Variants in DLC1 observed in about 807,000 individuals in gnomAD.
DLC1 encodes the protein rho GTPase-activating protein 7.
In DLC1, 54 loss-of-function variants were observed where a neutral mutation model predicts 140.3. That is an observed-to-expected ratio of 0.38 (90% CI 0.31 to 0.48). The LOEUF (loss-of-function observed/expected upper bound fraction) is 0.48, where lower values mean the gene tolerates loss of function less well. Among genes scored for constraint, DLC1 ranks in the 20% least tolerant of loss-of-function variants. The pLI, the probability that DLC1 is intolerant of heterozygous loss-of-function variation, is 0.96. For synonymous variants in DLC1, 986 were observed against 728.1 expected, an observed-to-expected ratio of 1.35 and a Z score of -5.70; for missense variants, 2,536 against 1,907.0, an observed-to-expected ratio of 1.33 and a Z score of -6.14.
chr8:13,571,398 C>T (rs995647178), intron 1 of DLC1, among the ~76,000 whole-genome samples: 3 of 152,152 alleles, frequency 2.0e-5, no homozygotes, highest in East Asian at 1.9e-4. Flanking sequence ...CTGGTCACCT[C>T]GAATGTACTT....
In DLC1 at chr8:13,091,314, T is replaced by C. The variant is rs1293055099; in HGVS notation, c.3855+4A>G. 15 of 1,613,760 alleles carry C rather than the reference T, an allele frequency of 9.3e-6. No individual in the cohort carries two copies. The African/African-American group carries it at 1.2e-4, about 13-fold the overall frequency. On this transcript the variant is annotated splice_donor_region_variant and intron_variant, in intron 14 of 17. Transcript: ENST00000276297. ...TAAAGGAGCCAAACTTCTCAATTCCTTACCTGGAAAAGCTTCTTGCACTCG... is the reference window on the plus strand; with the variant it reads ...TAAAGGAGCCAAACTTCTCAATTCCCTACCTGGAAAAGCTTCTTGCACTCG...
At chr8:13,364,301 T>A (rs1365279440) in intron 4 of DLC1, among the ~76,000 whole-genome samples, 2 of 23,620 alleles carry the variant, frequency 8.5e-5, no homozygotes, top group Non-Finnish European at 2.0e-4. Context: ...GTAATGAAAC[T>A]TTTTTTTTTT....
At chr8:13,597,616 T>C (rs1430957107) in intron 1 of DLC1, among the ~76,000 whole-genome samples, 1 of 152,038 alleles carries the variant, frequency 6.6e-6, no homozygotes. Context: ...TGTGTATATA[T>C]CATGGAGGAT....
chr8:13,350,140 G>T (rs1022878714), intron 4 of DLC1, among the ~76,000 whole-genome samples: 11 of 152,166 alleles, frequency 7.2e-5, no homozygotes, highest in Non-Finnish European at 1.3e-4. Context: ...TACCTGAAGT[G>T]CTTAGAGGAC....
At chr8:13,325,445 T>C (rs1332224815) in intron 4 of DLC1, among the ~76,000 whole-genome samples, 1 of 32,552 alleles carries the variant, frequency 3.1e-5, no homozygotes, top group Non-Finnish European at 6.6e-5. Context: ...ACAATAGTTC[T>C]GTATACACAC....
chr8:13,367,268 C>G (rs1432413359), intron 4 of DLC1, among the ~76,000 whole-genome samples: 2 of 152,124 alleles, frequency 1.3e-5, no homozygotes, highest in African/African-American at 4.8e-5. Flanking sequence ...GTTTATAACT[C>G]AGGACGTGAA....
At position 13,100,205 on chromosome 8, in the gene DLC1, A is replaced by C. The variant is rs773140696; in HGVS notation, c.2132T>G (p.Leu711Arg). ...EGMDEEKLKQ[L>R]NCVEISALNG... Reference sequence around the variant, plus strand: ...GAGGGCGGAGATCTCCACGCAGTTGAGCTGCTTCAGCTTCTCCTCATCCAT... The same window carrying C: ...GAGGGCGGAGATCTCCACGCAGTTGCGCTGCTTCAGCTTCTCCTCATCCAT... Residue 711 changes from leucine (L) to arginine (R), a missense_variant, in exon 9 of 18, where the codon CTC becomes CGC. Coordinates refer to ENST00000276297, the MANE Select transcript of DLC1 (RefSeq NM_182643.3). 66 of 1,613,996 alleles carry C rather than the reference A, an allele frequency of 4.1e-5. No individual in the cohort carries two copies. Among genetic ancestry groups the C allele is most frequent in the Non-Finnish European group, 5.4e-5 (64 of 1,180,036 alleles).
chr8:13,249,221 C>T (rs988419417), intron 5 of DLC1, among the ~76,000 whole-genome samples: 2 of 152,116 alleles, frequency 1.3e-5, no homozygotes, highest in African/African-American at 4.8e-5. Flanking sequence ...GGATTACAGG[C>T]ACCTGCAACC....
intron 1 of DLC1, among the ~76,000 whole-genome samples, chr8:13,524,696 A>G (rs574710657): frequency 1.4e-4 from 20 of 142,802 alleles, no homozygotes; most frequent in South Asian, 2.3e-4. Flanking sequence ...TTCAGGTAGT[A>G]TATTTCTGTT....
rs370297672 is a variant in DLC1, at chr8:13,319,416, C to T, written c.1315-14114G>A. Among the ~76,000 whole-genome samples the T allele has an allele frequency of 1.4e-3, 209 of 148,566 alleles. 2 individuals are homozygous for T. The highest frequency in any genetic ancestry group is 5.1e-3 in the African/African-American group (202 of 39,600). On this transcript the variant is annotated intron_variant, in intron 4 of 17. Transcript: ENST00000276297. ...GATATGGTTTGGATGTGTGTCCCCA[C>T]CCAAATTTCATCTCGAATTGTAATC...
intron 5 of DLC1, among the ~76,000 whole-genome samples, chr8:13,241,637 G>A (rs1007716826): frequency 6.6e-6 from 1 of 152,170 alleles, no homozygotes; most frequent in Admixed American, 6.5e-5. Flanking sequence ...AAACGGCAAA[G>A]TAACACTGTG....
chr8:13,533,222 A>T (rs899350773), intron 1 of DLC1, among the ~76,000 whole-genome samples: 1 of 146,008 alleles, frequency 6.8e-6, no homozygotes, highest in African/African-American at 2.5e-5. Context: ...GAACAATGTT[A>T]TATATTGAGT....
At chr8:13,434,963 AC>A (rs35497097) in intron 2 of DLC1, among the ~76,000 whole-genome samples, 5 of 150,542 alleles carry the variant, frequency 3.3e-5, no homozygotes, top group Admixed American at 1.3e-4. Flanking sequence ...TACAGGCGTG[AC>A]CCCCCCCGGC....
chr8:13,597,572 A>G (rs1805725362), intron 1 of DLC1, among the ~76,000 whole-genome samples: 1 of 152,090 alleles, frequency 6.6e-6, no homozygotes, highest in South Asian at 2.1e-4. Flanking sequence ...TCACAATAAG[A>G]TAAAGATCAT....
chr8:13,452,873 C>G (rs1799133499), intron 2 of DLC1, among the ~76,000 whole-genome samples: 1 of 152,142 alleles, frequency 6.6e-6, no homozygotes, highest in African/African-American at 2.4e-5. Flanking sequence ...CTTGTTTGCT[C>G]AGCTACCTCC....
intron 2 of DLC1, among the ~76,000 whole-genome samples, chr8:13,485,964 ACTTC>A (rs1161828533): frequency 6.6e-6 from 1 of 152,190 alleles, no homozygotes; most frequent in African/African-American, 2.4e-5. Flanking sequence ...CCGCTAGCTA[ACTTC>A]CTTTATCCTC....
At chr8:13,416,157 T>C (rs1838047501) in intron 2 of DLC1, among the ~76,000 whole-genome samples, 2 of 152,218 alleles carry the variant, frequency 1.3e-5, no homozygotes, top group South Asian at 4.1e-4. Flanking sequence ...GTTATTCTTC[T>C]CTGGACTTAT....
At chr8:13,397,870 C>T (rs796942875) in intron 3 of DLC1, among the ~76,000 whole-genome samples, 2 of 151,678 alleles carry the variant, frequency 1.3e-5, no homozygotes, top group Non-Finnish European at 2.9e-5. Flanking sequence ...TGGTGGCTCA[C>T]GCCTGTAATC....
At chr8:13,470,322 T>A (rs117883965) in intron 2 of DLC1, among the ~76,000 whole-genome samples, 1 of 152,124 alleles carries the variant, frequency 6.6e-6, no homozygotes, top group Non-Finnish European at 1.5e-5. Flanking sequence ...ATATATCTTA[T>A]CCATTAGGAG....
Sources: allele counts gnomAD v4.1 joint callset (sites outside exome capture counted in the v4.1 genomes callset), GRCh38; gene constraint gnomAD v4.1.1; transcripts MANE v1.5; gene names NCBI Gene and HGNC (gene_info 2026-07-23, HGNC 2026-07-21).